PPP1R42: variants seen among roughly 807,000 people sequenced by gnomAD.
PPP1R42 encodes protein phosphatase 1 regulatory subunit 42, also known as leucine rich repeat containing 67.
In PPP1R42, 34 loss-of-function variants were observed where a neutral mutation model predicts 31.0. That is an observed-to-expected ratio of 1.10 (90% CI 0.83 to 1.46). PPP1R42 has a LOEUF of 1.46. Ranked by LOEUF, PPP1R42 falls within the 40% of genes most tolerant of loss-of-function variation. PPP1R42 has a pLI of 0.00. For missense variants in PPP1R42, 268 were observed against 303.0 expected, an observed-to-expected ratio of 0.88 and a Z score of 0.86; for synonymous variants, 103 against 109.8, an observed-to-expected ratio of 0.94 and a Z score of 0.39.
chr8:67,022,860 G>T (rs927758253), intron 1 of PPP1R42, among the ~76,000 whole-genome samples: 29 of 151,734 alleles, frequency 1.9e-4, no homozygotes, highest in African/African-American at 7.0e-4. Context: ...TCTCTACTTG[G>T]GTTATTCTTG....
intron 7 of PPP1R42, among the ~76,000 whole-genome samples, chr8:66,972,151 T>C (rs552808807): frequency 6.6e-6 from 1 of 152,312 alleles, no homozygotes; most frequent in South Asian, 2.1e-4. Context: ...ATTGGACATA[T>C]ACAAAAGGAT....
chr8:66,977,837 TG>T, intron 7 of PPP1R42, among the ~76,000 whole-genome samples: 1 of 152,112 alleles, frequency 6.6e-6, no homozygotes. Context: ...TTTGAAGAGA[TG>T]GTGTCTTGCT....
chr8:66,984,182 G>A (rs993376223), intron 6 of PPP1R42: 2 of 1,583,350 alleles, frequency 1.3e-6, no homozygotes, highest in Admixed American at 1.7e-5. Flanking sequence ...TCCCAGTAAT[G>A]TTCAGCCCCA....
chr8:67,026,571 C>T (rs1174966508), intron 1 of PPP1R42, among the ~76,000 whole-genome samples: 1 of 151,982 alleles, frequency 6.6e-6, no homozygotes, highest in Admixed American at 6.6e-5. Context: ...TGTGTTGGCT[C>T]ACACCTGTAG....
At chr8:66,981,919 T>TA (rs1814853169) in intron 7 of PPP1R42, 130 bp downstream of exon 7, 2 of 1,002,500 alleles carry the variant, frequency 2.0e-6, no homozygotes, top group Non-Finnish European at 2.6e-6. Context: ...AAATAAGTTT[T>TA]AAAAAACCCC....
intron 5 of PPP1R42, among the ~76,000 whole-genome samples, chr8:67,001,913 G>A (rs954516813): frequency 2.0e-5 from 3 of 152,164 alleles, no homozygotes; most frequent in Non-Finnish European, 2.9e-5. Context: ...AGTGAGCTGC[G>A]ATCACACTAC....
intron 5 of PPP1R42, among the ~76,000 whole-genome samples, chr8:67,003,159 T>C (rs372720114): frequency 3.6e-5 from 4 of 112,256 alleles, no homozygotes; most frequent in Admixed American, 1.0e-4. Flanking sequence ...AGAGCGAAAC[T>C]CCGTCTCAAA....
At position 66,982,066 on chromosome 8, in the gene PPP1R42, G is replaced by A. The variant is rs769408666; in HGVS notation, c.785C>T (p.Ala262Val). ...SKKRSSKNED[A>V]SNSLIRISL ...GTGCTTACTTATGAGTGAATTGCTT[G>A]CATCCTCATTTTTACTGCTCCTTTT... The change falls in exon 7 of 8, where the codon GCA (alanine) becomes GTA (valine). Residue 262 changes from alanine (A) to valine (V), a missense_variant. By Grantham distance (64) the Ala-to-Val change is moderately conservative (BLOSUM62 0). Transcript: ENST00000685739. The A allele has an allele frequency of 3.2e-5, 47 of 1,460,918 alleles. 2 individuals carry two copies. In the South Asian group the frequency reaches 5.1e-4, roughly 16 times the overall value. 90.5% of individuals were successfully genotyped at this position (1,460,918 alleles called of 1,614,324 possible). A position where few individuals can be genotyped will look rare whatever the true frequency, so the allele number is the denominator to read the frequency against.
In PPP1R42 at chr8:66,990,727, C is replaced by T. The variant is rs1016949070; in HGVS notation, c.553-2210G>A. Reference sequence around the variant, plus strand: ...TTGACCAGCATACTCCAATCTTTATCGGAAATGTCTGGACCAACCGTCCTT... The same window carrying T: ...TTGACCAGCATACTCCAATCTTTATTGGAAATGTCTGGACCAACCGTCCTT... On this transcript the variant is annotated intron_variant, in intron 5 of 7. Transcript: ENST00000685739. 3.9e-5 allele frequency among the ~76,000 whole-genome samples: 6 copies of T among 152,176 alleles called. No individual in the cohort carries two copies. The South Asian group carries it at 6.2e-4, about 16-fold the overall frequency.
chr8:66,992,483 C>T (rs1815215975), intron 5 of PPP1R42, among the ~76,000 whole-genome samples: 1 of 152,160 alleles, frequency 6.6e-6, no homozygotes, highest in Admixed American at 6.5e-5. Context: ...GTAAGAACAT[C>T]TATGCAGTGA....
At chr8:66,976,301 A>G (rs1159071010) in intron 7 of PPP1R42, among the ~76,000 whole-genome samples, 2 of 152,174 alleles carry the variant, frequency 1.3e-5, no homozygotes, top group Non-Finnish European at 2.9e-5. Flanking sequence ...TTACGATTTC[A>G]TTATACATTA....
At chr8:66,968,368 A>C in intron 7 of PPP1R42, 1 of 512,996 alleles carries the variant, frequency 1.9e-6, no homozygotes, top group African/African-American at 2.1e-5. Flanking sequence ...CACAGCCCCC[A>C]GTGTGTAGAA....
At chr8:67,010,668 C>A in intron 5 of PPP1R42, 47 bp downstream of exon 5, 1 of 1,288,592 alleles carries the variant, frequency 7.8e-7, no homozygotes, top group Non-Finnish European at 1.1e-6. Context: ...ATTTTTCAAT[C>A]ATAATTTCAT....
chr8:66,981,963 CTATTT>C, intron 7 of PPP1R42, 81 bp downstream of exon 7: 1 of 1,228,776 alleles, frequency 8.1e-7, no homozygotes, highest in Non-Finnish European at 1.0e-6. Context: ...TAAACAAAAA[CTATTT>C]TATTTGTTGG....
intron 6 of PPP1R42, chr8:66,984,978 A>G: frequency 6.4e-7 from 1 of 1,554,394 alleles, no homozygotes; most frequent in Non-Finnish European, 8.9e-7. Flanking sequence ...GTTCAACAAG[A>G]TTTGTGATTC....
At chr8:67,012,570 T>C (rs781719149) in intron 4 of PPP1R42, among the ~76,000 whole-genome samples, 2 of 152,196 alleles carry the variant, frequency 1.3e-5, no homozygotes, top group South Asian at 4.1e-4. Flanking sequence ...CTCTACTAGA[T>C]TGTTTAAAAG....
intron 7 of PPP1R42, among the ~76,000 whole-genome samples, chr8:66,979,588 T>C (rs1814771321): frequency 6.6e-6 from 1 of 152,212 alleles, no homozygotes; most frequent in African/African-American, 2.4e-5. Context: ...TCTATGTTTC[T>C]GTTTTTATAC....
chr8:66,971,814 T>C (rs1200816985), intron 7 of PPP1R42, among the ~76,000 whole-genome samples: 2 of 152,244 alleles, frequency 1.3e-5, no homozygotes, highest in African/African-American at 2.4e-5. Flanking sequence ...TGTAAGATCC[T>C]TGAAGTTAGA....
chr8:67,014,875 TC>T (rs1384755851), intron 2 of PPP1R42, among the ~76,000 whole-genome samples: 1 of 152,308 alleles, frequency 6.6e-6, no homozygotes, highest in Admixed American at 6.5e-5. Flanking sequence ...GCAATTAGGC[TC>T]CTCTGGAAGT....
Sources: allele counts gnomAD v4.1 joint callset (sites outside exome capture counted in the v4.1 genomes callset), GRCh38; gene constraint gnomAD v4.1.1; transcripts MANE v1.5; gene names NCBI Gene and HGNC (gene_info 2026-07-23, HGNC 2026-07-21).